Variants in RARB observed in about 807,000 individuals in gnomAD.
RARB encodes the protein HBV-activated protein.
RARB carries 17 observed loss-of-function variants against 51.9 expected under a neutral mutation model. The ratio of observed to expected loss-of-function variants is 0.33; its 90% CI spans 0.22 to 0.49. The LOEUF is 0.49. Among genes scored for constraint, RARB ranks in the 20% least tolerant of loss-of-function variants. RARB has a pLI of 0.99. For missense variants in RARB, 369 were observed against 550.8 expected, an observed-to-expected ratio of 0.67 and a Z score of 3.30; for synonymous variants, 215 against 195.4, an observed-to-expected ratio of 1.10 and a Z score of -0.84.
intron 2 of RARB, among the ~76,000 whole-genome samples, chr3:25,005,801 A>G (rs1575115260): frequency 6.6e-6 from 1 of 152,108 alleles, no homozygotes; most frequent in South Asian, 2.1e-4. Flanking sequence ...GAAAACTTTG[A>G]TATGCAAGTC....
intron 4 of RARB, among the ~76,000 whole-genome samples, chr3:25,579,309 A>C (rs1701073078): frequency 6.6e-6 from 1 of 152,228 alleles, no homozygotes; most frequent in Admixed American, 6.5e-5. Context: ...ACCTGACTCC[A>C]GTCAAGATGT....
intron 5 of RARB, among the ~76,000 whole-genome samples, chr3:25,356,518 CT>C (rs200419239): frequency 0.023 from 3,445 of 150,942 alleles, 112 homozygotes; most frequent in African/African-American, 0.075. Flanking sequence ...TTTTTTCTTT[CT>C]TTTTTTTTAT....
intron 5 of RARB, among the ~76,000 whole-genome samples, chr3:25,284,524 G>C (rs1703603278): frequency 6.6e-6 from 1 of 152,040 alleles, no homozygotes; most frequent in Non-Finnish European, 1.5e-5. Flanking sequence ...ACTCAAAGCT[G>C]AGTGGCCTCA....
intron 3 of RARB, among the ~76,000 whole-genome samples, chr3:25,530,113 C>T (rs558070557): frequency 6.6e-6 from 1 of 152,260 alleles, no homozygotes; most frequent in Admixed American, 6.5e-5. Flanking sequence ...CTCTATGTCC[C>T]ACTAGACTGA....
In RARB at chr3:25,374,014, C is replaced by T. The variant is rs534839173; in HGVS notation, c.179-87179C>T. Among the ~76,000 whole-genome samples the T allele has an allele frequency of 4.6e-5, 7 of 152,152 alleles. No homozygotes were observed. In the East Asian group the frequency reaches 1.2e-3, roughly 25 times the overall value. On this transcript the variant is annotated intron_variant, in intron 5 of 11. Transcript: ENST00000383772. ...GGGCAGCTCATGATTACATAAAATCCCTAGGTATATTTCAATATTTCAACC... is the reference window on the plus strand; with the variant it reads ...GGGCAGCTCATGATTACATAAAATCTCTAGGTATATTTCAATATTTCAACC...
chr3:24,860,195 T>C (rs544378556), intron 2 of RARB, among the ~76,000 whole-genome samples: 1 of 152,288 alleles, frequency 6.6e-6, no homozygotes, highest in African/African-American at 2.4e-5. Flanking sequence ...TAGCTGCCCA[T>C]TGTGGAAAAA....
chr3:25,252,533 T>C (rs1157772493), intron 5 of RARB, among the ~76,000 whole-genome samples: 2 of 152,230 alleles, frequency 1.3e-5, no homozygotes, highest in Non-Finnish European at 2.9e-5. Context: ...AGTAATGTTC[T>C]GTAGTTTTCA....
chr3:24,867,498 C>T (rs1235426462), intron 2 of RARB, among the ~76,000 whole-genome samples: 1 of 152,092 alleles, frequency 6.6e-6, no homozygotes, highest in African/African-American at 2.4e-5. Context: ...CAAGCAGACT[C>T]GATTTTGAAG....
chr3:25,363,234 G>A (rs930849073), intron 5 of RARB, among the ~76,000 whole-genome samples: 1 of 152,126 alleles, frequency 6.6e-6, no homozygotes, highest in African/African-American at 2.4e-5. Context: ...AGTGTTATAA[G>A]AGGTTAGAGA....
intron 5 of RARB, among the ~76,000 whole-genome samples, chr3:25,200,741 C>T (rs889606179): frequency 6.6e-6 from 1 of 152,050 alleles, no homozygotes; most frequent in Non-Finnish European, 1.5e-5. Flanking sequence ...TGTCAAAGAT[C>T]AGATAGTTGT....
intron 3 of RARB, among the ~76,000 whole-genome samples, chr3:25,503,877 C>T (rs1467352530): frequency 2.0e-5 from 3 of 152,170 alleles, no homozygotes; most frequent in African/African-American, 7.2e-5. Flanking sequence ...TTTTCACTCA[C>T]CTCTCTCATT....
At chr3:25,294,228 T>C (rs751887634) in intron 5 of RARB, among the ~76,000 whole-genome samples, 10 of 152,200 alleles carry the variant, frequency 6.6e-5, no homozygotes, top group Admixed American at 2.0e-4. Context: ...TCGTTAAGAA[T>C]TAAGTTTATA....
intron 5 of RARB, among the ~76,000 whole-genome samples, chr3:25,313,748 A>G (rs113613454): frequency 0.043 from 6,597 of 152,266 alleles, 168 homozygotes; most frequent in Middle Eastern, 0.065. Flanking sequence ...AAAATTATGT[A>G]CAAAAGGAAG....
chr3:24,849,564 A>T (rs1461055749), intron 1 of RARB, among the ~76,000 whole-genome samples: 1 of 152,230 alleles, frequency 6.6e-6, no homozygotes. Context: ...GTTTAAAGAC[A>T]CCTTATTTAG....
At chr3:25,159,742 C>G (rs962089969) in intron 4 of RARB, among the ~76,000 whole-genome samples, 1 of 152,040 alleles carries the variant, frequency 6.6e-6, no homozygotes, top group Non-Finnish European at 1.5e-5. Flanking sequence ...GGCCACACAG[C>G]CAAGCTGCCA....
chr3:25,202,185 T>G (rs1190507752), intron 5 of RARB, among the ~76,000 whole-genome samples: 20 of 152,194 alleles, frequency 1.3e-4, no homozygotes, highest in Non-Finnish European at 2.8e-4. Flanking sequence ...GTCAAGGAAT[T>G]TATCCATTTC....
chr3:24,970,484 G>A (rs897832022), intron 2 of RARB, among the ~76,000 whole-genome samples: 7 of 151,636 alleles, frequency 4.6e-5, no homozygotes, highest in Admixed American at 2.6e-4. Context: ...TACTGATAAT[G>A]GTGCAGTTAA....
At chr3:24,916,799 A>C (rs2125383773) in intron 2 of RARB, among the ~76,000 whole-genome samples, 1 of 151,794 alleles carries the variant, frequency 6.6e-6, no homozygotes, top group Non-Finnish European at 1.5e-5. Flanking sequence ...TTGTACAAGA[A>C]GGTACATGTT....
At chr3:25,207,997 C>T (rs965305903) in intron 5 of RARB, among the ~76,000 whole-genome samples, 3 of 150,686 alleles carry the variant, frequency 2.0e-5, no homozygotes, top group African/African-American at 7.3e-5. Context: ...TGTCACATGG[C>T]AAAAGTGGGA....
Sources: allele counts gnomAD v4.1 joint callset (sites outside exome capture counted in the v4.1 genomes callset), GRCh38; gene constraint gnomAD v4.1.1; transcripts MANE v1.5; gene names NCBI Gene and HGNC (gene_info 2026-07-23, HGNC 2026-07-21).